ARHGAP22: variants seen among roughly 807,000 people sequenced by gnomAD.
The protein encoded by ARHGAP22 is rho GTPase-activating protein 22.
ARHGAP22 carries 48 observed loss-of-function variants against 59.1 expected under a neutral mutation model. The ratio of observed to expected loss-of-function variants is 0.81; its 90% confidence interval spans 0.64 to 1.03. The LOEUF (loss-of-function observed/expected upper bound fraction) is 1.03. Among genes scored for constraint, ARHGAP22 ranks in the 50% least tolerant of loss-of-function variants. The pLI is 0.00. For missense variants in ARHGAP22, 1,015 were observed against 958.7 expected (o/e 1.06, Z -0.78); for synonymous variants, 445 against 416.4 (o/e 1.07, Z -0.84).
At chr10:48,568,567 G>T (rs10776621) in intron 2 of ARHGAP22, among the ~76,000 whole-genome samples, 60,316 of 152,122 alleles carry the variant, frequency 0.4, 13,571 homozygotes, top group East Asian at 0.89. Context: ...GGGCACATGC[G>T]CTGAGCCTCT....
chr10:48,617,123 G>A (rs73302278), intron 1 of ARHGAP22, among the ~76,000 whole-genome samples: 15,957 of 151,844 alleles, frequency 0.11, 1,956 homozygotes, highest in African/African-American at 0.3. Context: ...ATATTAAGTT[G>A]GTATTAGTCC....
At chr10:48,590,274 T>C (rs929839040) in intron 1 of ARHGAP22, among the ~76,000 whole-genome samples, 1 of 151,806 alleles carries the variant, frequency 6.6e-6, no homozygotes, top group Non-Finnish European at 1.5e-5. Context: ...CCGGTTTAAG[T>C]GCATTTGGAC....
At chr10:48,531,931 G>A (rs556980906) in intron 3 of ARHGAP22, among the ~76,000 whole-genome samples, 6 of 152,294 alleles carry the variant, frequency 3.9e-5, no homozygotes, top group Admixed American at 3.3e-4. Context: ...GATTGAGACC[G>A]CGGGTTATTG....
At chr10:48,449,683 C>G (rs182027170) in intron 9 of ARHGAP22, among the ~76,000 whole-genome samples, 1 of 152,216 alleles carries the variant, frequency 6.6e-6, no homozygotes, top group Non-Finnish European at 1.5e-5. Context: ...AGGGCAACCC[C>G]GGTCCTCATG....
rs931905822 is a variant in ARHGAP22, at chr10:48,534,251, A to T, written c.322+21212T>A. 2.6e-5 allele frequency among the ~76,000 whole-genome samples: 4 copies of T among 152,214 alleles called. No homozygotes were observed. The South Asian group carries it at 6.2e-4, about 24-fold the overall frequency. ...CGTTGGGGAGAAATTCCTGGGCCAC[A>T]TTTTTCTTGCTGTTCATGTGGCCTG... On this transcript the variant is annotated intron_variant, in intron 3 of 9. Coordinates refer to ENST00000249601, the MANE Select transcript of ARHGAP22 (RefSeq NM_021226.4).
At chr10:48,506,029 C>T (rs1304186571) in intron 3 of ARHGAP22, among the ~76,000 whole-genome samples, 1 of 152,194 alleles carries the variant, frequency 6.6e-6, no homozygotes, top group Non-Finnish European at 1.5e-5. Context: ...CACCACGTAT[C>T]TCTCACCGAC....
At chr10:48,492,019 C>T (rs987908601) in intron 3 of ARHGAP22, among the ~76,000 whole-genome samples, 3 of 152,154 alleles carry the variant, frequency 2.0e-5, no homozygotes, top group Non-Finnish European at 4.4e-5. Context: ...TAAGGATTTC[C>T]TTTTGAGACC....
intron 2 of ARHGAP22, among the ~76,000 whole-genome samples, chr10:48,579,568 G>C (rs1210629385): frequency 1.3e-5 from 2 of 152,196 alleles, no homozygotes; most frequent in African/African-American, 4.8e-5. Flanking sequence ...GAACTGTCTT[G>C]TATCTATGCT....
At chr10:48,630,329 A>G (rs1479102304) in intron 1 of ARHGAP22, among the ~76,000 whole-genome samples, 1 of 152,130 alleles carries the variant, frequency 6.6e-6, no homozygotes, top group Non-Finnish European at 1.5e-5. Context: ...TGACTTGGTG[A>G]TCCACCCACC....
At chr10:48,590,097 G>A (rs2059659263) in intron 1 of ARHGAP22, among the ~76,000 whole-genome samples, 1 of 152,010 alleles carries the variant, frequency 6.6e-6, no homozygotes, top group Admixed American at 6.6e-5. Flanking sequence ...GAGGGGTGAG[G>A]GTACACAAGG....
intron 9 of ARHGAP22, among the ~76,000 whole-genome samples, chr10:48,448,380 G>A (rs929596982): frequency 4.6e-5 from 7 of 152,118 alleles, no homozygotes; most frequent in African/African-American, 1.7e-4. Flanking sequence ...AAAATGTATC[G>A]TGCTTATGGT....
At chr10:48,520,510 A>G (rs534556096) in intron 3 of ARHGAP22, among the ~76,000 whole-genome samples, 21 of 152,188 alleles carry the variant, frequency 1.4e-4, no homozygotes, top group African/African-American at 4.6e-4. Flanking sequence ...AGTGGGGAGG[A>G]GGACAAAGGG....
intron 1 of ARHGAP22, among the ~76,000 whole-genome samples, chr10:48,600,758 G>T (rs1188030838): frequency 1.3e-5 from 2 of 152,220 alleles, no homozygotes; most frequent in African/African-American, 4.8e-5. Context: ...TCTCCATGGG[G>T]TGGAGTACCT....
chr10:48,630,633 A>G (rs752681713), intron 1 of ARHGAP22, among the ~76,000 whole-genome samples: 9 of 152,268 alleles, frequency 5.9e-5, no homozygotes, highest in Non-Finnish European at 1.2e-4. Context: ...ACTTTTGGAT[A>G]TTAACCTTAT....
intron 3 of ARHGAP22, among the ~76,000 whole-genome samples, chr10:48,535,207 G>C (rs2055228188): frequency 6.6e-6 from 1 of 152,228 alleles, no homozygotes; most frequent in African/African-American, 2.4e-5. Flanking sequence ...TCCTTTTACA[G>C]ATAAGGAAAC....
At chr10:48,437,097 CTG>C in the ARHGAP22 span, 1 of 152,170 alleles carries the variant, frequency 6.6e-6, no homozygotes, top group Admixed American at 6.5e-5. Flanking sequence ...AGGTGTGTGT[CTG>C]TATCATTTAT....
intron 3 of ARHGAP22, among the ~76,000 whole-genome samples, chr10:48,533,551 A>AAATC (rs2055065911): frequency 1.3e-5 from 2 of 152,196 alleles, no homozygotes; most frequent in Non-Finnish European, 2.9e-5. Flanking sequence ...AGGCCATTTC[A>AAATC]AATCCTGTGT....
At position 48,555,499 on chromosome 10, in the gene ARHGAP22, CG is replaced by C. The variant is rs1564873596; in HGVS notation, c.285del (p.Glu96ArgfsTer62). On this transcript the variant is annotated frameshift_variant, in exon 3 of 10. Coordinates refer to ENST00000249601, the MANE Select transcript of ARHGAP22 (RefSeq NM_021226.4). LOFTEE classifies it high-confidence loss of function. ...GTQVTELPPG[P>X]EDPGKHLFEI... ...TCAAAGAGGTGCTTCCCTGGGTCCT[CG>C]GGGCCAGGAGGAAGTTCAGTCACCT... 6.2e-7 allele frequency: 1 copy of C among 1,614,194 alleles called. No individual in the cohort carries two copies. The highest frequency in any genetic ancestry group is 8.5e-7 in the Non-Finnish European group (1 of 1,180,028).
chr10:48,524,542 C>T (rs1266242166), intron 3 of ARHGAP22, among the ~76,000 whole-genome samples: 1 of 152,098 alleles, frequency 6.6e-6, no homozygotes, highest in Non-Finnish European at 1.5e-5. Context: ...ACCGGCCTGG[C>T]CTCCCCGCGC....
Sources: gnomAD v4.1 joint callset for allele counts (sites outside exome capture counted in the v4.1 genomes callset) on GRCh38, gnomAD v4.1.1 for gene constraint, MANE v1.5 for transcripts, NCBI Gene and HGNC (gene_info 2026-07-23, HGNC 2026-07-21) for gene names.